Variants in ERAP1 observed in about 807,000 individuals in gnomAD.
The protein encoded by ERAP1 is endoplasmic reticulum aminopeptidase 1.
Under a neutral mutation model 103.7 loss-of-function variants are expected in ERAP1, and 86 were observed. That is an observed-to-expected ratio of 0.83 (90% CI 0.70 to 0.99). The LOEUF is 0.99. Ranked by LOEUF, ERAP1 falls within the 50% of genes least tolerant of loss-of-function variation. The probability of loss-of-function intolerance (pLI) is 0.00; values close to 1 mark genes in which losing one functional copy is unlikely to be tolerated. For synonymous variants in ERAP1, 398 were observed against 402.4 expected (o/e 0.99, Z 0.13); for missense variants, 1,009 against 1,128.4 (o/e 0.89, Z 1.52).
the ERAP1 span, chr5:96,935,829 C>T: frequency 0.03 from 10,647 of 349,632 alleles, 392 homozygotes; most frequent in East Asian, 0.11. Flanking sequence ...CCGTTCCCGG[C>T]CGGGGAGAGC....
the ERAP1 span, among the ~76,000 whole-genome samples, chr5:96,920,184 T>C: frequency 6.6e-6 from 1 of 151,984 alleles, no homozygotes; most frequent in African/African-American, 2.4e-5. Context: ...GTGGCACATG[T>C]ATCCCAGGTA....
At chr5:96,834,555 T>C in the ERAP1 span, among the ~76,000 whole-genome samples, 1 of 152,218 alleles carries the variant, frequency 6.6e-6, no homozygotes, top group Non-Finnish European at 1.5e-5. Context: ...TGTGAACTTA[T>C]ACTGAGACAA....
the ERAP1 span, chr5:96,876,027 A>G: frequency 4.6e-5 from 7 of 152,568 alleles, no homozygotes; most frequent in Non-Finnish European, 8.8e-5. Flanking sequence ...GTGGTTACAG[A>G]CATGGAAAAT....
At chr5:96,824,311 G>A in the ERAP1 span, among the ~76,000 whole-genome samples, 1 of 152,102 alleles carries the variant, frequency 6.6e-6, no homozygotes, top group Non-Finnish European at 1.5e-5. Context: ...CCTGGGTTGG[G>A]AGCTCAGGTT....
intron 19 of ERAP1, chr5:96,768,065 T>C: frequency 2.0e-6 from 2 of 1,012,866 alleles, no homozygotes; most frequent in Non-Finnish European, 3.1e-6. Flanking sequence ...TACATATAAG[T>C]TTTATTTATT....
chr5:96,784,175 C>T, intron 13 of ERAP1, 95 bp from the exon 14 acceptor site: 1 of 1,329,520 alleles, frequency 7.5e-7, no homozygotes, highest in Non-Finnish European at 1.1e-6. Flanking sequence ...GCAAAACAAG[C>T]AATCAGATAT....
intron 18 of ERAP1, among the ~76,000 whole-genome samples, chr5:96,778,432 C>T (rs1348063910): frequency 6.6e-6 from 1 of 152,096 alleles, no homozygotes; most frequent in East Asian, 1.9e-4. Flanking sequence ...ATGGGCAAGC[C>T]AGGCAGAGAG....
At position 96,803,834 on chromosome 5, in the gene ERAP1, CCA is replaced by C; in HGVS notation, c.91_92del (p.Trp31ValfsTer5). ...LALLTVSTPS[W>X]CQSTEASPKR... is the part of the protein sequence containing the mutation. ...TTGGAGATGCTTCAGTGCTCTGACACCATGAAGGAGTGGACACAGTTAAGAGA... is the reference window on the plus strand; with the variant it reads ...TTGGAGATGCTTCAGTGCTCTGACACTGAAGGAGTGGACACAGTTAAGAGA... On this transcript the variant is annotated frameshift_variant, in exon 2 of 19. Coordinates refer to ENST00000443439, the MANE Select transcript of ERAP1 (RefSeq NM_001040458.3). LOFTEE classifies it high-confidence loss of function. 1 of 1,614,140 alleles carries C rather than the reference CCA, an allele frequency of 6.2e-7. No individual in the cohort carries two copies. Among genetic ancestry groups the C allele is most frequent in the Non-Finnish European group, 8.5e-7 (1 of 1,180,040 alleles).
upstream of ERAP1, among the ~76,000 whole-genome samples, chr5:96,812,153 T>C (rs1779192289): frequency 6.6e-6 from 1 of 152,262 alleles, no homozygotes; most frequent in Non-Finnish European, 1.5e-5. Flanking sequence ...ATGTTTCTTG[T>C]CCATTTATCT....
chr5:96,927,621 G>A, the ERAP1 span, among the ~76,000 whole-genome samples: 2 of 151,990 alleles, frequency 1.3e-5, no homozygotes, highest in Non-Finnish European at 2.9e-5. Context: ...CAAGTAGCTG[G>A]GACTACAGGC....
intron 3 of ERAP1, 122 bp from the exon 4 acceptor site, chr5:96,797,431 G>A (rs926669244): frequency 1.1e-5 from 12 of 1,056,160 alleles, no homozygotes; most frequent in East Asian, 2.6e-5. Flanking sequence ...TGGGGAGTCC[G>A]AGGTAGGCAG....
At chr5:96,860,910 T>C in the ERAP1 span, among the ~76,000 whole-genome samples, 1 of 152,130 alleles carries the variant, frequency 6.6e-6, no homozygotes, top group Non-Finnish European at 1.5e-5. Flanking sequence ...CGACTTCAAT[T>C]TACAAGTGAG....
Position 96,803,698 on chromosome 5 carries a change from A to C in ERAP1, c.229T>G (p.Trp77Gly). The C allele has an allele frequency of 6.2e-7, 1 of 1,614,220 alleles. No individual in the cohort carries two copies. ...IHANLTTLTF[W>G]GTTKVEITAS... ...GTGATTTCTACTTTCGTGGTTCCCC[A>C]GAAGGTCAGCGTGGTAAGGTTTGCA... Residue 77 changes from tryptophan to glycine, a missense_variant, in exon 2 of 19, where the codon TGG becomes GGG. Trp to Gly is a radical substitution (Grantham distance 184, BLOSUM62 -2). Transcript: ENST00000443439.
At chr5:96,903,622 CT>C in the ERAP1 span, 1 of 1,415,966 alleles carries the variant, frequency 7.1e-7, no homozygotes, top group Admixed American at 2.3e-5. Context: ...ATATGCTAGA[CT>C]TCAATATTGA....
At chr5:96,859,297 CT>C in the ERAP1 span, among the ~76,000 whole-genome samples, 1 of 152,102 alleles carries the variant, frequency 6.6e-6, no homozygotes, top group Non-Finnish European at 1.5e-5. Context: ...AAAAACCCCC[CT>C]GGAAAACAGA....
chr5:96,795,837 AC>A (rs1442578917), intron 4 of ERAP1, among the ~76,000 whole-genome samples: 3 of 152,198 alleles, frequency 2.0e-5, no homozygotes, highest in African/African-American at 7.2e-5. Context: ...GAAACAAGAT[AC>A]CATAAGCAAG....
Position 96,793,805 on chromosome 5 carries a change from G to C in ERAP1, c.1072C>G (p.Gln358Glu), listed in dbSNP as rs113607082. 4.2e-5 allele frequency: 67 copies of C among 1,612,528 alleles called. No homozygotes were observed. Among genetic ancestry groups the C allele is most frequent in the Non-Finnish European group, 5.4e-5 (64 of 1,178,798 alleles). The change falls in exon 6 of 19, where the codon CAG (glutamine) becomes GAG (glutamate). Residue 358 changes from glutamine to glutamate, a missense_variant and splice_region_variant. Gln to Glu is a conservative substitution (Grantham distance 29). Coordinates refer to ENST00000443439, the MANE Select transcript of ERAP1 (RefSeq NM_001040458.3). Reference protein sequence around the residue: ...TMTVAHELAHQWFGNLVTMEW... With the variant: ...TMTVAHELAHEWFGNLVTMEW... Reference sequence around the variant, plus strand: ...TAAAAGTGTGAATGAGCTTATACCTGGTGAGCCAGTTCATGGGCCACAGTC... The same window carrying C: ...TAAAAGTGTGAATGAGCTTATACCTCGTGAGCCAGTTCATGGGCCACAGTC...
chr5:96,895,315 A>T, the ERAP1 span: 2 of 1,612,984 alleles, frequency 1.2e-6, no homozygotes, highest in South Asian at 2.2e-5. Flanking sequence ...TGCAAAATAC[A>T]TGGAACTTAT....
At position 96,776,545 on chromosome 5, in the gene ERAP1, C is replaced by T. The variant is rs771408921; in HGVS notation, c.2677G>A (p.Gly893Arg). The T allele has an allele frequency of 5.5e-5, 88 of 1,613,726 alleles. No homozygotes were observed. The highest frequency in any genetic ancestry group is 7.4e-5 in the Non-Finnish European group (87 of 1,179,926). The change falls in exon 19 of 19, where the codon GGA (glycine) becomes AGA (arginine). Residue 893 changes from glycine (G) to arginine (R), a missense_variant. Gly to Arg is a moderately radical substitution (Grantham distance 125). Around this residue, in one of 3 missense-constraint regions of ERAP1, gnomAD observed 611 missense variants for 651.7 expected, o/e 0.94. Coordinates refer to ENST00000443439, the MANE Select transcript of ERAP1 (RefSeq NM_001040458.3). ...TTTTCTTTCAAAGAGCTGAAGAATC[C>T]TTTTACCTTGTGAGGAAAAAGTGGG... The part of the protein sequence containing the change: ...STRTRLEEVK[G>R]FFSSLKENGS...
Sources: allele counts gnomAD v4.1 joint callset (sites outside exome capture counted in the v4.1 genomes callset), GRCh38; gene constraint gnomAD v4.1.1; regional missense constraint gnomAD v4.1.1; transcripts MANE v1.5; gene names NCBI Gene and HGNC (gene_info 2026-07-23, HGNC 2026-07-21).